Variants in TIAM1 observed in about 807,000 individuals in gnomAD.
The protein encoded by TIAM1 is TIAM Rac1 associated GEF 1.
In TIAM1, 65 loss-of-function variants were observed where a neutral mutation model predicts 163.5. The ratio of observed to expected loss-of-function variants is 0.40; its 90% CI spans 0.33 to 0.49. TIAM1 has a LOEUF of 0.49. TIAM1 is among the 20% of genes least tolerant of loss of function. TIAM1 has a pLI of 0.77. For synonymous variants in TIAM1, 833 were observed against 810.1 expected (o/e 1.03, Z -0.48); for missense variants, 1,789 against 2,044.7 (o/e 0.87, Z 2.41).
chr21:31,153,409 A>G (rs1048477619), intron 17 of TIAM1, among the ~76,000 whole-genome samples: 4 of 152,194 alleles, frequency 2.6e-5, no homozygotes, highest in Non-Finnish European at 5.9e-5. Flanking sequence ...GGCATAGACA[A>G]TATGTCAAGG....
intron 1 of TIAM1, among the ~76,000 whole-genome samples, chr21:31,539,328 C>G (rs371638513): frequency 4.0e-5 from 6 of 150,106 alleles, no homozygotes; most frequent in African/African-American, 1.5e-4. Context: ...TGCAGTGGCA[C>G]GATCTCGGCT....
chr21:31,392,958 CTTTT>C (rs34474331), intron 2 of TIAM1, among the ~76,000 whole-genome samples: 1 of 139,122 alleles, frequency 7.2e-6, no homozygotes, highest in African/African-American at 2.7e-5. Flanking sequence ...AACCTGTCTT[CTTTT>C]TTTTTTTTTT....
intron 2 of TIAM1, among the ~76,000 whole-genome samples, chr21:31,409,346 G>A (rs1040273342): frequency 1.8e-4 from 28 of 152,100 alleles, no homozygotes; most frequent in Admixed American, 1.6e-3. Flanking sequence ...CTGACCTCGT[G>A]ATCCACCCGC....
chr21:31,141,397 T>C lies in TIAM1; in HGVS notation c.3583A>G (p.Lys1195Glu). 1 of 1,614,222 alleles carries C rather than the reference T, an allele frequency of 6.2e-7. No individual in the cohort carries two copies. The highest frequency in any genetic ancestry group is 1.1e-5 in the South Asian group (1 of 91,082). ...AGCTCCCTGAGCAGAAGTGGGTACT[T>C]GAGGATCCTCTGGATGGGCTTGATG... ...YLIKPIQRIL[K>E]YPLLLRELFA... The change falls in exon 21 of 28, where the codon AAG (lysine) becomes GAG (glutamate). Residue 1195 changes from lysine (K) to glutamate (E), a missense_variant. This residue lies in a region of TIAM1 where 60 missense variants were observed against 132.6 expected (regional missense o/e 0.45). Transcript: ENST00000541036. This position sits in a 1 kb window ranked among gnomAD's most constrained non-coding sequence, Gnocchi z 4.7.
chr21:31,298,820 GAGAGAA>G (rs1211399110), intron 2 of TIAM1, among the ~76,000 whole-genome samples: 3 of 135,118 alleles, frequency 2.2e-5, no homozygotes, highest in South Asian at 2.4e-4. Context: ...GAGAGAGAGA[GAGAGAA>G]AAACAGATGG....
intron 2 of TIAM1, among the ~76,000 whole-genome samples, chr21:31,361,749 G>A (rs1242642420): frequency 6.6e-6 from 1 of 152,016 alleles, no homozygotes; most frequent in Admixed American, 6.6e-5. Flanking sequence ...AACTAAAGGT[G>A]ATACTTAGTT....
rs781091105 is a variant in TIAM1 at position 31,265,201 on chromosome 21, CTTTTT to C, written c.963+804_963+808del. ...TTCACTAGGAAAACACTTTCAAAATCTTTTTTTTTTTTTTTTTTTTTTGAGATGGA... is the reference window on the plus strand; with the variant it reads ...TTCACTAGGAAAACACTTTCAAAATCTTTTTTTTTTTTTTTTTGAGATGGA... On this transcript the variant is annotated intron_variant, in intron 4 of 27. Coordinates refer to ENST00000541036, the MANE Select transcript of TIAM1 (RefSeq NM_001353694.2). Among the ~76,000 whole-genome samples, 586 of 109,974 alleles carry C rather than the reference CTTTTT, an allele frequency of 5.3e-3. 3 individuals are homozygous for C. The highest frequency in any genetic ancestry group is 0.018 in the African/African-American group (534 of 29,992). The allele number at this position is 109,974 out of a possible 152,430, so 72.1% of individuals were successfully genotyped here.
rs866619754 is a variant in TIAM1, at chr21:31,245,479, C to T, written c.1584+9G>A. 6.8e-7 allele frequency: 1 copy of T among 1,476,870 alleles called. No individual in the cohort carries two copies. 91.5% of individuals were successfully genotyped at this position (1,476,870 alleles called of 1,614,324 possible). A position where few individuals can be genotyped will look rare whatever the true frequency, so the allele number is the denominator to read the frequency against. On this transcript the variant is annotated intron_variant, in intron 6 of 27. Coordinates refer to ENST00000541036, the MANE Select transcript of TIAM1 (RefSeq NM_001353694.2). The stretch of plus-strand genomic sequence containing the variant: ...TTGAAATGCCCTGCAAAGGAAGTGC[C>T]CAACAAACCTGAAAAAGGAAGGCAT...
chr21:31,516,504 A>G (rs1463640559), intron 1 of TIAM1, among the ~76,000 whole-genome samples: 1 of 152,170 alleles, frequency 6.6e-6, no homozygotes, highest in African/African-American at 2.4e-5. Flanking sequence ...CACTGGCTCC[A>G]TCAGGACAGC....
At chr21:31,461,672 G>A (rs1406153151) in intron 2 of TIAM1, among the ~76,000 whole-genome samples, 1 of 151,918 alleles carries the variant, frequency 6.6e-6, no homozygotes, top group African/African-American at 2.4e-5. Context: ...TGATCCTTTT[G>A]TGTGTGTGTG....
intron 1 of TIAM1, among the ~76,000 whole-genome samples, chr21:31,475,750 C>A (rs1221186624): frequency 1.3e-5 from 2 of 152,208 alleles, no homozygotes; most frequent in Admixed American, 6.5e-5. Context: ...GCCCAGAGAG[C>A]AGGAATCAGG....
chr21:31,259,750 C>T (rs1045407330), intron 4 of TIAM1, among the ~76,000 whole-genome samples: 5 of 152,014 alleles, frequency 3.3e-5, no homozygotes, highest in Admixed American at 6.6e-5. Flanking sequence ...CAGTGAGGCT[C>T]CTCCTTTTCC....
intron 2 of TIAM1, among the ~76,000 whole-genome samples, chr21:31,285,270 G>A (rs147643655): frequency 6.6e-6 from 1 of 152,274 alleles, no homozygotes; most frequent in African/African-American, 2.4e-5. Flanking sequence ...GAGCTTGTGG[G>A]GGGGGCGGTG....
chr21:31,259,584 T>C (rs1054801748), intron 4 of TIAM1, among the ~76,000 whole-genome samples: 4 of 151,826 alleles, frequency 2.6e-5, no homozygotes, highest in East Asian at 1.9e-4. Flanking sequence ...AAATAGCCAC[T>C]GCACTCCAGC....
intron 1 of TIAM1, among the ~76,000 whole-genome samples, chr21:31,483,256 CTTTGT>C (rs1303144817): frequency 6.6e-6 from 1 of 152,156 alleles, no homozygotes; most frequent in Non-Finnish European, 1.5e-5. Flanking sequence ...CCTCCCACTC[CTTTGT>C]TTTATGAAAT....
At chr21:31,424,495 G>A (rs2043712658) in intron 2 of TIAM1, among the ~76,000 whole-genome samples, 1 of 152,122 alleles carries the variant, frequency 6.6e-6, no homozygotes, top group Admixed American at 6.6e-5. Context: ...GCTACAATAT[G>A]GATGAACCTT....
Position 31,217,609 on chromosome 21 carries a change from G to T in TIAM1, c.2086C>A (p.Leu696Met), listed in dbSNP as rs148211644. ...ASKRRSRFSS[L>M]WGLDTTSKKK... ...TTGGAGGTAGTATCCAGACCCCACA[G>T]AGAAGAAAACCTGCTCCTTCGCTTG... Residue 696 changes from leucine to methionine, a missense_variant, in exon 9 of 28, where the codon CTG becomes ATG. Around this residue, in one of 5 missense-constraint regions of TIAM1, gnomAD observed 456 missense variants for 586.6 expected, o/e 0.78. Coordinates refer to ENST00000541036, the MANE Select transcript of TIAM1 (RefSeq NM_001353694.2). 2.0e-4 allele frequency: 330 copies of T among 1,614,120 alleles called. No homozygotes were observed. Among genetic ancestry groups the T allele is most frequent in the Non-Finnish European group, 2.7e-4 (316 of 1,180,006 alleles).
chr21:31,393,614 T>C (rs1412918657), intron 2 of TIAM1, among the ~76,000 whole-genome samples: 2 of 152,202 alleles, frequency 1.3e-5, no homozygotes, highest in Non-Finnish European at 2.9e-5. Flanking sequence ...AAAGTATATC[T>C]GAATTTTTTA....
At chr21:31,172,979 T>C (rs2084588151) in intron 15 of TIAM1, among the ~76,000 whole-genome samples, 1 of 152,218 alleles carries the variant, frequency 6.6e-6, no homozygotes, top group Admixed American at 6.5e-5. Context: ...AATATTTTTG[T>C]GACTGCAAAA....
Sources: gnomAD v4.1 joint callset for allele counts (sites outside exome capture counted in the v4.1 genomes callset) on GRCh38, gnomAD v4.1.1 for gene constraint, gnomAD v4.1.1 regional missense constraint, Gnocchi (gnomAD v3.1) non-coding constraint, MANE v1.5 for transcripts, NCBI Gene and HGNC (gene_info 2026-07-23, HGNC 2026-07-21) for gene names.